QTMAN: variants seen among roughly 807,000 people sequenced by gnomAD.
QTMAN encodes the protein queuosine-tRNA mannosyltransferase, also known as tRNA-queuosine alpha-mannosyltransferase.
chr2:144,133,131 A>T, the QTMAN span, among the ~76,000 whole-genome samples: 1 of 48,616 alleles, frequency 2.1e-5, no homozygotes, highest in African/African-American at 7.7e-5. Context: ...ATATATATAT[A>T]TATATATATA....
the QTMAN span, among the ~76,000 whole-genome samples, chr2:144,216,277 C>A: frequency 1.3e-5 from 2 of 152,162 alleles, no homozygotes; most frequent in Admixed American, 6.6e-5. Context: ...TAGAATTATA[C>A]TTGTTTCACT....
At chr2:144,065,239 A>C in the QTMAN span, among the ~76,000 whole-genome samples, 1 of 152,338 alleles carries the variant, frequency 6.6e-6, no homozygotes, top group East Asian at 1.9e-4. Flanking sequence ...AATCAAGACC[A>C]AACAAACCTA....
chr2:144,071,461 A>G, the QTMAN span, among the ~76,000 whole-genome samples: 1 of 152,180 alleles, frequency 6.6e-6, no homozygotes, highest in Non-Finnish European at 1.5e-5. Context: ...GATTGGGCAC[A>G]TGGTTTCAGA....
the QTMAN span, among the ~76,000 whole-genome samples, chr2:144,284,924 G>A: frequency 8.6e-5 from 13 of 150,676 alleles, no homozygotes; most frequent in Middle Eastern, 3.4e-3. Context: ...GGCACTTTGG[G>A]AGGCCAAACT....
At chr2:144,180,034 TG>T in the QTMAN span, among the ~76,000 whole-genome samples, 1 of 152,210 alleles carries the variant, frequency 6.6e-6, no homozygotes, top group Non-Finnish European at 1.5e-5. Context: ...TCCCAGTGTT[TG>T]GCTAGTGGAG....
At chr2:144,237,046 C>T in the QTMAN span, among the ~76,000 whole-genome samples, 2 of 152,106 alleles carry the variant, frequency 1.3e-5, no homozygotes, top group African/African-American at 4.8e-5. Flanking sequence ...GCATTTACCA[C>T]GCACTGCACT....
the QTMAN span, among the ~76,000 whole-genome samples, chr2:144,240,819 A>G: frequency 6.6e-6 from 1 of 152,230 alleles, no homozygotes; most frequent in South Asian, 2.1e-4. Context: ...ACGACACACT[A>G]CTGAGGCCTT....
the QTMAN span, among the ~76,000 whole-genome samples, chr2:144,321,537 AC>A: frequency 6.6e-6 from 1 of 152,234 alleles, no homozygotes; most frequent in Non-Finnish European, 1.5e-5. Context: ...GATTGACGGT[AC>A]TAGAAAATAG....
At chr2:143,966,586 A>C in the QTMAN span, among the ~76,000 whole-genome samples, 1 of 152,232 alleles carries the variant, frequency 6.6e-6, no homozygotes, top group Non-Finnish European at 1.5e-5. Flanking sequence ...GCCACTATCT[A>C]CTGCCCATCT....
At chr2:144,130,209 G>C in the QTMAN span, among the ~76,000 whole-genome samples, 1 of 151,848 alleles carries the variant, frequency 6.6e-6, no homozygotes, top group East Asian at 1.9e-4. Context: ...ATAGATAGCT[G>C]GTAATGATAT....
the QTMAN span, among the ~76,000 whole-genome samples, chr2:144,043,156 C>T: frequency 4.6e-5 from 7 of 151,782 alleles, no homozygotes; most frequent in African/African-American, 1.2e-4. Context: ...CTGAAATGAC[C>T]GCAGTTTGGA....
At chr2:144,225,926 TG>T in the QTMAN span, among the ~76,000 whole-genome samples, 9 of 152,354 alleles carry the variant, frequency 5.9e-5, no homozygotes, top group Middle Eastern at 3.4e-3. Flanking sequence ...AATTCATGTT[TG>T]TAACTACTCA....
chr2:144,271,838 A>G, the QTMAN span, among the ~76,000 whole-genome samples: 1 of 152,178 alleles, frequency 6.6e-6, no homozygotes, highest in African/African-American at 2.4e-5. Context: ...CTTTGCCTCA[A>G]CCTGAATCTC....
the QTMAN span, among the ~76,000 whole-genome samples, chr2:144,041,412 A>G: frequency 1.3e-5 from 2 of 152,212 alleles, no homozygotes; most frequent in Non-Finnish European, 2.9e-5. Context: ...AATTCAAGGG[A>G]AAAATACCCA....
the QTMAN span, among the ~76,000 whole-genome samples, chr2:144,239,081 T>A: frequency 6.6e-6 from 1 of 151,034 alleles, no homozygotes; most frequent in African/African-American, 2.4e-5. Flanking sequence ...CCATTTCAAA[T>A]GCTAAGGCTA....
the QTMAN span, among the ~76,000 whole-genome samples, chr2:144,303,757 C>T: frequency 1.2e-4 from 18 of 152,198 alleles, no homozygotes; most frequent in East Asian, 3.3e-3. Context: ...ATTTGATAAA[C>T]ATACAAAACA....
the QTMAN span, among the ~76,000 whole-genome samples, chr2:144,212,406 G>C: frequency 6.6e-6 from 1 of 152,106 alleles, no homozygotes; most frequent in African/African-American, 2.4e-5. Flanking sequence ...AGGTTGCAGT[G>C]AGCCGAGATG....
the QTMAN span, among the ~76,000 whole-genome samples, chr2:144,150,035 A>C: frequency 6.6e-6 from 1 of 151,982 alleles, no homozygotes. Context: ...ATGATTCTTC[A>C]TGGGCTAGGT....
chr2:143,966,784 C>T, the QTMAN span, among the ~76,000 whole-genome samples: 1 of 152,202 alleles, frequency 6.6e-6, no homozygotes, highest in Non-Finnish European at 1.5e-5. Context: ...ATAATTTTTG[C>T]TTGAAAACAA....
Sources: gnomAD v4.1 joint callset for allele counts (sites outside exome capture counted in the v4.1 genomes callset) on GRCh38, gnomAD v4.1.1 for gene constraint, MANE v1.5 for transcripts, NCBI Gene and HGNC (gene_info 2026-07-23, HGNC 2026-07-21) for gene names.